Variants in KCND2 observed in about 807,000 individuals in gnomAD.
KCND2 encodes the protein A-type voltage-gated potassium channel KCND2.
A neutral mutation model predicts 54.4 loss-of-function variants in KCND2; 16 were observed. The ratio of observed to expected loss-of-function variants is 0.29; its 90% CI spans 0.20 to 0.45. The LOEUF (loss-of-function observed/expected upper bound fraction) is 0.45, where lower values mean the gene tolerates loss of function less well. Ranked by LOEUF, KCND2 falls within the 20% of genes least tolerant of loss-of-function variation. The probability of loss-of-function intolerance (pLI) is 1.00; values close to 1 mark genes in which losing one functional copy is unlikely to be tolerated. For synonymous variants in KCND2, 317 were observed against 310.7 expected (o/e 1.02, Z -0.21); for missense variants, 486 against 824.2 (o/e 0.59, Z 5.02).
At chr7:120,457,817 A>G (rs535925405) in intron 1 of KCND2, among the ~76,000 whole-genome samples, 65 of 152,176 alleles carry the variant, frequency 4.3e-4, no homozygotes, top group Admixed American at 1.7e-3. Flanking sequence ...CAGTGCCCCA[A>G]TCTCTGTGGT....
intron 1 of KCND2, among the ~76,000 whole-genome samples, chr7:120,509,670 T>C (rs900586095): frequency 6.6e-6 from 1 of 151,612 alleles, no homozygotes; most frequent in Non-Finnish European, 1.5e-5. Flanking sequence ...ATAAGAGCTG[T>C]GCCATGAGAT....
intron 1 of KCND2, among the ~76,000 whole-genome samples, chr7:120,598,735 T>C (rs1792778619): frequency 1.3e-5 from 2 of 152,234 alleles, no homozygotes; most frequent in South Asian, 4.1e-4. Context: ...TATTGCATAT[T>C]CTCTTGCAAA....
At chr7:120,587,797 G>A (rs1267722786) in intron 1 of KCND2, among the ~76,000 whole-genome samples, 1 of 152,046 alleles carries the variant, frequency 6.6e-6, no homozygotes, top group Admixed American at 6.6e-5. Context: ...GTGTGCTGAT[G>A]CATTTATTCT....
At chr7:120,385,499 A>G (rs1800975208) in intron 1 of KCND2, among the ~76,000 whole-genome samples, 1 of 152,138 alleles carries the variant, frequency 6.6e-6, no homozygotes, top group African/African-American at 2.4e-5. Context: ...ACGTAAGCAA[A>G]ACATAGCAAA....
At chr7:120,591,083 A>T (rs1424389760) in intron 1 of KCND2, among the ~76,000 whole-genome samples, 2 of 152,336 alleles carry the variant, frequency 1.3e-5, no homozygotes, top group East Asian at 3.9e-4. Context: ...TTTCTTTGGA[A>T]AAGTAAAAAA....
At chr7:120,742,081 A>C (rs1279329136) in intron 3 of KCND2, among the ~76,000 whole-genome samples, 2 of 152,152 alleles carry the variant, frequency 1.3e-5, no homozygotes, top group East Asian at 3.8e-4. Flanking sequence ...ATAAACTACA[A>C]TTTGAGAAAA....
At chr7:120,334,219 A>G (rs1223703525) in intron 1 of KCND2, among the ~76,000 whole-genome samples, 1 of 152,228 alleles carries the variant, frequency 6.6e-6, no homozygotes, top group Non-Finnish European at 1.5e-5. Context: ...TTTAGCCTAA[A>G]TAGAATATTC....
At chr7:120,743,948 A>G (rs1792973432) in intron 4 of KCND2, among the ~76,000 whole-genome samples, 1 of 152,194 alleles carries the variant, frequency 6.6e-6, no homozygotes, top group Non-Finnish European at 1.5e-5. Flanking sequence ...TAAATTTGAA[A>G]GTTAAATGAT....
intron 1 of KCND2, among the ~76,000 whole-genome samples, chr7:120,641,414 A>G (rs1270732527): frequency 6.6e-6 from 1 of 152,142 alleles, no homozygotes; most frequent in Non-Finnish European, 1.5e-5. Flanking sequence ...CCTCCCCGGT[A>G]TGATTTTAGA....
chr7:120,710,721 A>G (rs1792526896), intron 1 of KCND2, among the ~76,000 whole-genome samples: 1 of 152,154 alleles, frequency 6.6e-6, no homozygotes. Context: ...ACAAGTTTTT[A>G]GGTCTGTTTG....
intron 1 of KCND2, among the ~76,000 whole-genome samples, chr7:120,629,166 G>A (rs1328829379): frequency 1.3e-5 from 2 of 152,214 alleles, no homozygotes; most frequent in African/African-American, 4.8e-5. Context: ...GGGCCCTGAA[G>A]CGAGAAACTG....
intron 1 of KCND2, among the ~76,000 whole-genome samples, chr7:120,501,019 G>A (rs1056481944): frequency 4.0e-5 from 6 of 151,714 alleles, no homozygotes; most frequent in Non-Finnish European, 5.9e-5. Flanking sequence ...ACTCTAACAG[G>A]CTTCATAAGA....
chr7:120,387,772 A>G (rs1168190948), intron 1 of KCND2, among the ~76,000 whole-genome samples: 2 of 152,092 alleles, frequency 1.3e-5, no homozygotes, highest in Admixed American at 1.3e-4. Flanking sequence ...TCATAGAAAA[A>G]TAAATCTCAA....
intron 1 of KCND2, among the ~76,000 whole-genome samples, chr7:120,295,391 CAG>C (rs781695554): frequency 2.3e-4 from 28 of 124,156 alleles, no homozygotes; most frequent in Non-Finnish European, 3.7e-4. Flanking sequence ...CACACACACA[CAG>C]ACACACACAC....
chr7:120,558,516 CTG>C (rs955721819), intron 1 of KCND2, among the ~76,000 whole-genome samples: 30 of 152,282 alleles, frequency 2.0e-4, no homozygotes, highest in African/African-American at 6.7e-4. Context: ...TTTTATATAT[CTG>C]TGCATAACTG....
At chr7:120,706,028 G>A (rs532515012) in intron 1 of KCND2, among the ~76,000 whole-genome samples, 10 of 152,102 alleles carry the variant, frequency 6.6e-5, no homozygotes, top group Admixed American at 2.0e-4. Flanking sequence ...CATCCAGAGC[G>A]CAGGGCCATG....
In KCND2 at chr7:120,748,578, C is replaced by T. The variant is rs1391306018; in HGVS notation, c.*720C>T. 2.0e-5 allele frequency: 3 copies of T among 152,288 alleles called. No homozygotes were observed. The highest frequency in any genetic ancestry group is 7.2e-5 in the African/African-American group (3 of 41,394). The allele number at this position is 152,288 out of a possible 1,614,324, so 9.4% of individuals were successfully genotyped here. ...GTATTCATTATCGTTTAACTTTGCA[C>T]CTAGATACTGTTACAACTGCAATAA... On this transcript the variant is annotated 3_prime_UTR_variant, in exon 6 of 6. Transcript: ENST00000331113.
At chr7:120,469,246 T>C (rs775319827) in intron 1 of KCND2, among the ~76,000 whole-genome samples, 4 of 152,166 alleles carry the variant, frequency 2.6e-5, no homozygotes, top group African/African-American at 4.8e-5. Context: ...CGTACCTCTG[T>C]AATGGAATAG....
At chr7:120,473,678 A>G (rs1028353558) in intron 1 of KCND2, among the ~76,000 whole-genome samples, 5 of 152,218 alleles carry the variant, frequency 3.3e-5, no homozygotes, top group African/African-American at 1.2e-4. Context: ...TGCACTGGAT[A>G]ATGAGAAAAA....
Sources: gnomAD v4.1 joint callset for allele counts (sites outside exome capture counted in the v4.1 genomes callset) on GRCh38, gnomAD v4.1.1 for gene constraint, MANE v1.5 for transcripts, NCBI Gene and HGNC (gene_info 2026-07-23, HGNC 2026-07-21) for gene names.